The following STARD13 variants were observed in gnomAD, a reference collection of about 807,000 sequenced individuals.
STARD13 encodes the protein StAR related lipid transfer domain containing 13, also known as stAR-related lipid transfer protein 13.
STARD13 carries 62 observed loss-of-function variants against 106.4 expected under a neutral mutation model. The ratio of observed to expected loss-of-function variants is 0.58; its 90% CI spans 0.48 to 0.72. The LOEUF is 0.72. Ranked by LOEUF, STARD13 falls within the 30% of genes least tolerant of loss-of-function variation. The pLI, the probability that STARD13 is intolerant of heterozygous loss-of-function variation, is 0.00. For synonymous variants in STARD13, 565 were observed against 553.0 expected, an observed-to-expected ratio of 1.02 and a Z score of -0.31; for missense variants, 1,387 against 1,424.0, an observed-to-expected ratio of 0.97 and a Z score of 0.42.
the STARD13 span, chr13:33,511,331 G>C: frequency 2.6e-5 from 4 of 151,746 alleles, no homozygotes; most frequent in African/African-American, 9.7e-5. Context: ...AAAAGTTGCT[G>C]TATTTCTGCA....
At chr13:33,650,059 G>GCAGCCT in the STARD13 span, among the ~76,000 whole-genome samples, 8 of 149,260 alleles carry the variant, frequency 5.4e-5, no homozygotes, top group Non-Finnish European at 1.2e-4. Flanking sequence ...GAAACAAACC[G>GCAGCCT]CAGCCTCAAC....
intron 1 of STARD13, among the ~76,000 whole-genome samples, chr13:33,335,431 A>T (rs1370059168): frequency 1.3e-5 from 2 of 152,170 alleles, no homozygotes; most frequent in East Asian, 1.9e-4. Context: ...ACACCCATGA[A>T]CTGTGATGCC....
At position 33,110,892 on chromosome 13, in the gene STARD13, C is replaced by A. The variant is rs1874446309; in HGVS notation, c.2623G>T (p.Val875Leu). ...DRLFEVPHEL[V>L]AQSRNSYVEA... The stretch of plus-strand genomic sequence containing the variant: ...ACATACGAGTTACGAGACTGGGCCA[C>A]CAACTCGTGTGGAACCTAGACCAAC... The change falls in exon 11 of 14, where the codon GTG becomes TTG. Residue 875 changes from valine to leucine, a missense_variant. Coordinates refer to ENST00000336934, the MANE Select transcript of STARD13 (RefSeq NM_178006.4). 3 of 1,613,000 alleles carry A rather than the reference C, an allele frequency of 1.9e-6. No individual in the cohort carries two copies. Among genetic ancestry groups the A allele is most frequent in the Non-Finnish European group, 2.5e-6 (3 of 1,180,012 alleles).
the STARD13 span, among the ~76,000 whole-genome samples, chr13:33,433,080 G>A: frequency 7.2e-5 from 11 of 152,130 alleles, no homozygotes; most frequent in South Asian, 2.1e-4. Context: ...TTCAGCAAAC[G>A]TCTGTTATTG....
chr13:33,154,916 C>T (rs1435707314), intron 3 of STARD13, among the ~76,000 whole-genome samples: 1 of 151,998 alleles, frequency 6.6e-6, no homozygotes, highest in Non-Finnish European at 1.5e-5. Flanking sequence ...CACACTGAGG[C>T]TTCTTTCCTT....
At chr13:33,168,812 G>A (rs546390956) in intron 1 of STARD13, among the ~76,000 whole-genome samples, 5 of 152,304 alleles carry the variant, frequency 3.3e-5, no homozygotes, top group African/African-American at 1.2e-4. Context: ...ATGTGCCAGA[G>A]CTATTTGGTA....
At chr13:33,440,722 G>T in the STARD13 span, among the ~76,000 whole-genome samples, 2 of 144,214 alleles carry the variant, frequency 1.4e-5, no homozygotes, top group South Asian at 4.5e-4. Context: ...TTCAGGTTTA[G>T]ATCTCCAACT....
chr13:33,540,437 CTG>C, the STARD13 span, among the ~76,000 whole-genome samples: 1 of 152,146 alleles, frequency 6.6e-6, no homozygotes, highest in Admixed American at 6.5e-5. Flanking sequence ...TAGTTGATAA[CTG>C]TGATAGTGGA....
chr13:33,532,879 G>A, the STARD13 span, among the ~76,000 whole-genome samples: 1 of 152,088 alleles, frequency 6.6e-6, no homozygotes, highest in East Asian at 1.9e-4. Context: ...CTGGGTCAAG[G>A]AAGTACAAGT....
chr13:33,135,897 C>T (rs1223344423), intron 4 of STARD13, among the ~76,000 whole-genome samples: 5 of 152,114 alleles, frequency 3.3e-5, no homozygotes, highest in Admixed American at 2.0e-4. Flanking sequence ...CCGAGGCGAA[C>T]AGATCACCTG....
chr13:33,143,592 G>A (rs766723511), intron 3 of STARD13, among the ~76,000 whole-genome samples: 1 of 150,104 alleles, frequency 6.7e-6, no homozygotes, highest in Non-Finnish European at 1.5e-5. Flanking sequence ...TCACTCTGTT[G>A]CTCAGGCTGG....
intron 1 of STARD13, among the ~76,000 whole-genome samples, chr13:33,192,174 T>C (rs1046092901): frequency 1.3e-5 from 2 of 152,262 alleles, no homozygotes; most frequent in East Asian, 3.8e-4. Context: ...AGAACATTTC[T>C]AGAGCTTCTT....
At chr13:33,421,639 C>A in the STARD13 span, among the ~76,000 whole-genome samples, 1 of 152,142 alleles carries the variant, frequency 6.6e-6, no homozygotes, top group Non-Finnish European at 1.5e-5. Context: ...AGAGACACAA[C>A]AATAAAAGAG....
intron 4 of STARD13, among the ~76,000 whole-genome samples, chr13:33,141,634 G>A (rs182842180): frequency 2.6e-5 from 4 of 152,168 alleles, no homozygotes; most frequent in Admixed American, 2.0e-4. Flanking sequence ...CCGTCCCTGG[G>A]CCCCCTCATA....
chr13:33,561,087 T>C, the STARD13 span, among the ~76,000 whole-genome samples: 2 of 151,686 alleles, frequency 1.3e-5, no homozygotes, highest in East Asian at 3.9e-4. Context: ...CTTTAACCTT[T>C]TCATTTCTTT....
At chr13:33,620,018 C>A in the STARD13 span, among the ~76,000 whole-genome samples, 1 of 151,950 alleles carries the variant, frequency 6.6e-6, no homozygotes, top group East Asian at 1.9e-4. Flanking sequence ...GATCGTGCCA[C>A]TATACTCCAG....
chr13:33,113,361 G>A (rs912758990), intron 8 of STARD13, among the ~76,000 whole-genome samples: 11 of 152,130 alleles, frequency 7.2e-5, no homozygotes, highest in African/African-American at 2.2e-4. Flanking sequence ...CCAAGGCTCC[G>A]TGGGACATGG....
chr13:33,672,207 C>G, the STARD13 span, among the ~76,000 whole-genome samples: 3 of 152,204 alleles, frequency 2.0e-5, no homozygotes, highest in Non-Finnish European at 2.9e-5. Context: ...GGGTTCATGT[C>G]CTTTGCAGGG....
chr13:33,294,084 C>T (rs7990411), intron 1 of STARD13, among the ~76,000 whole-genome samples: 12 of 152,102 alleles, frequency 7.9e-5, no homozygotes. Context: ...AATTAGGGAG[C>T]CTGGAGGGAT....
Sources: allele counts gnomAD v4.1 joint callset (sites outside exome capture counted in the v4.1 genomes callset), GRCh38; gene constraint gnomAD v4.1.1; transcripts MANE v1.5; gene names NCBI Gene and HGNC (gene_info 2026-07-23, HGNC 2026-07-21).